TNRC6C: variants seen among roughly 807,000 people sequenced by gnomAD.
The protein encoded by TNRC6C is trinucleotide repeat containing adaptor 6C, also known as trinucleotide repeat-containing gene 6C protein.
A neutral mutation model predicts 153.7 loss-of-function variants in TNRC6C; 20 were observed. The observed-to-expected ratio is 0.13, with a 90% CI of 0.09 to 0.19. The LOEUF (loss-of-function observed/expected upper bound fraction) is 0.19, where lower values mean the gene tolerates loss of function less well. Among genes scored for constraint, TNRC6C ranks in the 10% least tolerant of loss-of-function variants. The pLI is 1.00. For synonymous variants in TNRC6C, 811 were observed against 841.4 expected (o/e 0.96, Z 0.63); for missense variants, 1,987 against 2,172.0 (o/e 0.91, Z 1.69).
intron 2 of TNRC6C, chr17:78,041,014 C>T (rs964952933): frequency 2.6e-5 from 4 of 152,084 alleles, no homozygotes; most frequent in African/African-American, 9.7e-5. Context: ...TGTACCCAGC[C>T]GACATGTTGT....
chr17:78,036,092 G>A (rs947643472), intron 2 of TNRC6C, among the ~76,000 whole-genome samples: 1 of 152,162 alleles, frequency 6.6e-6, no homozygotes, highest in Non-Finnish European at 1.5e-5. Flanking sequence ...GCAGGGGGCC[G>A]CTGAGGGAGG....
intron 1 of TNRC6C, among the ~76,000 whole-genome samples, chr17:78,009,624 G>A (rs555916169): frequency 5.9e-5 from 9 of 151,286 alleles, no homozygotes; most frequent in African/African-American, 9.7e-5. Context: ...GTGCAATCTC[G>A]GCTCACTGGA....
At chr17:78,058,626 A>G (rs2072705581) in intron 3 of TNRC6C, among the ~76,000 whole-genome samples, 2 of 152,374 alleles carry the variant, frequency 1.3e-5, no homozygotes, top group South Asian at 4.1e-4. Flanking sequence ...CAATGGCTAG[A>G]AGTAAAATAT....
chr17:78,077,474 A>G, intron 9 of TNRC6C, 140 bp downstream of exon 11: 1 of 1,126,416 alleles, frequency 8.9e-7, no homozygotes, highest in African/African-American at 1.5e-5. Flanking sequence ...AAATACTACC[A>G]GGATTTCCCT....
chr17:78,004,129 A>G (rs1415696363), upstream of TNRC6C: 6 of 1,231,506 alleles, frequency 4.9e-6, no homozygotes, highest in South Asian at 2.1e-4. Context: ...TTGACTTAAC[A>G]TGATCATCAA....
Position 78,051,178 on chromosome 17 carries a change from G to T in TNRC6C, c.2116G>T (p.Glu706Ter). The change falls in exon 3 of 20, where the codon GAA becomes TAA. Residue 706 changes from glutamate to a stop codon, truncating the protein, a stop_gained. Transcript: ENST00000301624. LOFTEE classifies it high-confidence loss of function. ...ACCGGTCAAACAGAAGGACAGCAGT[G>T]AAGCAACTGGCTGGGAAGAACCCTC... The T allele has an allele frequency of 6.3e-7, 1 of 1,576,534 alleles. No homozygotes were observed. The highest frequency in any genetic ancestry group is 8.6e-7 in the Non-Finnish European group (1 of 1,161,098).
At chr17:78,002,564 TCTTG>T (rs1193746354), upstream of TNRC6C, among the ~76,000 whole-genome samples, 1 of 152,222 alleles carries the variant, frequency 6.6e-6, no homozygotes, top group Non-Finnish European at 1.5e-5. Context: ...TGTATTCTTA[TCTTG>T]CTTCCTGCTA....
At chr17:77,993,920 C>T (rs573271832) in intron 1 of TNRC6C, among the ~76,000 whole-genome samples, 1 of 151,986 alleles carries the variant, frequency 6.6e-6, no homozygotes, top group Non-Finnish European at 1.5e-5. Flanking sequence ...TGGCTGGGCA[C>T]CGTGTCTCCC....
At chr17:77,998,008 C>CT (rs1045422067) in intron 1 of TNRC6C, among the ~76,000 whole-genome samples, 13 of 152,140 alleles carry the variant, frequency 8.5e-5, no homozygotes, top group Admixed American at 7.9e-4. Context: ...CTTTTATTCA[C>CT]TTTTTTTAAA....
chr17:77,973,225 TGAA>T (rs1389805435), intron 1 of TNRC6C, among the ~76,000 whole-genome samples: 1 of 152,112 alleles, frequency 6.6e-6, no homozygotes, highest in Admixed American at 6.5e-5. Context: ...TATTAATAGA[TGAA>T]GAACAAAACC....
chr17:78,002,856 C>T (rs2071434196), upstream of TNRC6C, among the ~76,000 whole-genome samples: 1 of 152,106 alleles, frequency 6.6e-6, no homozygotes, highest in Non-Finnish European at 1.5e-5. Flanking sequence ...TATAGTTCTT[C>T]AGTGATTGAA....
At chr17:78,062,757 C>T (rs1292080177) in intron 3 of TNRC6C, among the ~76,000 whole-genome samples, 26 of 152,178 alleles carry the variant, frequency 1.7e-4, no homozygotes. Flanking sequence ...TTCATAACCT[C>T]TTCTGTGCCT....
At chr17:78,018,545 G>A (rs2143509204) in intron 1 of TNRC6C, among the ~76,000 whole-genome samples, 1 of 152,236 alleles carries the variant, frequency 6.6e-6, no homozygotes, top group African/African-American at 2.4e-5. Context: ...ATGTTTGGGG[G>A]GGTGGAGCAA....
chr17:77,980,854 G>T (rs1217085373), intron 1 of TNRC6C, among the ~76,000 whole-genome samples: 1 of 152,160 alleles, frequency 6.6e-6, no homozygotes, highest in Admixed American at 6.5e-5. Context: ...CTAGAACAAG[G>T]TATGGGGGGT....
At chr17:78,031,760 C>T in exon 2 of TNRC6C, 2 of 1,232,284 alleles carry the variant, frequency 1.6e-6, no homozygotes, top group African/African-American at 1.5e-5. Context: ...TGAGCCCAAC[C>T]CAGGGTGCTG....
chr17:77,991,178 C>A (rs1354299570), intron 1 of TNRC6C, among the ~76,000 whole-genome samples: 1 of 152,148 alleles, frequency 6.6e-6, no homozygotes, highest in Non-Finnish European at 1.5e-5. Context: ...TATCTTGATC[C>A]CTTGAAGAAA....
chr17:78,077,099 G>T (rs866574122), intron 8 of TNRC6C, 86 bp from the exon 11 acceptor site: 1 of 1,411,536 alleles, frequency 7.1e-7, no homozygotes, highest in Non-Finnish European at 9.3e-7. Flanking sequence ...ATCCATCCAC[G>T]CCTCCTCTGT....
chr17:78,100,667 A>C (rs1371741167), intron 17 of TNRC6C, among the ~76,000 whole-genome samples: 1 of 152,058 alleles, frequency 6.6e-6, no homozygotes, highest in Non-Finnish European at 1.5e-5. Context: ...CTCTAGAGAC[A>C]GTCTCCATTT....
intron 3 of TNRC6C, among the ~76,000 whole-genome samples, chr17:78,061,734 A>G (rs923238661): frequency 1.3e-5 from 2 of 152,214 alleles, no homozygotes; most frequent in Non-Finnish European, 2.9e-5. Flanking sequence ...AATTTTTTTG[A>G]GTAAGCAAGT....
Sources: allele counts gnomAD v4.1 joint callset (sites outside exome capture counted in the v4.1 genomes callset), GRCh38; gene constraint gnomAD v4.1.1; transcripts MANE v1.5; gene names NCBI Gene and HGNC (gene_info 2026-07-23, HGNC 2026-07-21).